Variants in COL6A2 observed in about 807,000 individuals in gnomAD.
COL6A2 encodes the protein collagen alpha-2(VI) chain.
In COL6A2, 90 loss-of-function variants were observed where a neutral mutation model predicts 124.9. The observed-to-expected ratio is 0.72, with a 90% CI of 0.61 to 0.86. COL6A2 has a LOEUF of 0.86. Ranked by LOEUF, COL6A2 falls within the 40% of genes least tolerant of loss-of-function variation. The probability of loss-of-function intolerance (pLI) is 0.00; values close to 1 mark genes in which losing one functional copy is unlikely to be tolerated. For missense variants in COL6A2, 1,607 were observed against 1,502.5 expected (o/e 1.07, Z -1.15); for synonymous variants, 793 against 618.2 (o/e 1.28, Z -4.19).
At chr21:46,125,003 CTGGCACGGTCAGA>C in intron 23 of COL6A2, 83 bp downstream of exon 23, 1 of 1,527,498 alleles carries the variant, frequency 6.5e-7, no homozygotes, top group Non-Finnish European at 9.1e-7. Context: ...GGAAGGTCAG[CTGGCACGGTCAGA>C]GAGCAAGATC....
At chr21:46,124,548 C>A (rs578237447) in intron 21 of COL6A2, 103 bp from the exon 22 acceptor site, 18 of 1,041,070 alleles carry the variant, frequency 1.7e-5, no homozygotes, top group East Asian at 2.4e-5. Context: ...CCCCCCCCCC[C>A]GCCAAGGGAG....
rs150157630 is a variant in COL6A2 at position 46,106,864 on chromosome 21, T to C, written c.-27-4586T>C. Among the ~76,000 whole-genome samples the C allele has an allele frequency of 9.5e-4, 144 of 152,376 alleles. 1 individual carries two copies. Among genetic ancestry groups the C allele is most frequent in the African/African-American group, 3.2e-3 (135 of 41,596 alleles). On this transcript the variant is annotated intron_variant, in intron 1 of 27. Transcript: ENST00000300527. ...TATTTTTTATTTTGCTCAACTCTTC[T>C]TGCTTTTTCTACCAAGTAAAACTTG...
chr21:46,117,031 TC>T (rs1423591390), intron 10 of COL6A2, among the ~76,000 whole-genome samples: 1 of 151,972 alleles, frequency 6.6e-6, no homozygotes, highest in African/African-American at 2.4e-5. Flanking sequence ...TGGCTGCACA[TC>T]CCGGCTTGGG....
At chr21:46,129,058 C>G in intron 27 of COL6A2, 1 of 1,600,198 alleles carries the variant, frequency 6.2e-7, no homozygotes, top group African/African-American at 1.3e-5. Context: ...CACACCCGCT[C>G]CACCTGCATT....
rs764590595 is a variant in COL6A2 at position 46,132,441 on chromosome 21, C to T, written c.2949C>T (p.Asp983=). 2.4e-5 allele frequency: 38 copies of T among 1,606,588 alleles called. No individual in the cohort carries two copies. Among genetic ancestry groups the T allele is most frequent in the African/African-American group, 4.0e-5 (3 of 74,838 alleles). The change falls in exon 28 of 28, where the codon GAC becomes GAT. Residue 983 remains aspartate (D), a synonymous_variant. Transcript: ENST00000300527. ...CCTTGGGCAGCGACGTGGACATGGA[C>T]GTGCTCACCACGCTCAGCCTGGGTG... ...VLALGSDVDM[D]VLTTLSLGDR...
At chr21:46,124,839 A>G (rs746722499) in intron 22 of COL6A2, 46 bp from the exon 23 acceptor site, 3 of 1,611,016 alleles carry the variant, frequency 1.9e-6, no homozygotes, top group African/African-American at 2.7e-5. Flanking sequence ...AGACTCAGCC[A>G]CCCAGCCTTG....
rs755111785 is a variant in COL6A2 at position 46,132,167 on chromosome 21, T to A, written c.2675T>A (p.Phe892Tyr). The A allele has an allele frequency of 6.4e-6, 10 of 1,570,170 alleles. No individual in the cohort carries two copies. In the South Asian group the frequency reaches 1.0e-4, roughly 16 times the overall value. The change falls in exon 28 of 28, where the codon TTC (phenylalanine) becomes TAC (tyrosine). Residue 892 changes from phenylalanine to tyrosine, a missense_variant. Phe to Tyr is a conservative substitution (Grantham distance 22, BLOSUM62 3). This residue lies in a region of COL6A2 where 1,223 missense variants were observed against 1,052.2 expected (regional missense o/e 1.16). Coordinates refer to ENST00000300527, the MANE Select transcript of COL6A2 (RefSeq NM_001849.4). The stretch of plus-strand genomic sequence containing the variant: ...GGCCCCGGCGAGCAGCAGGTGGCCT[T>A]CCCGCTGAGCCACAACCTCACGGCC... ...FGGPGEQQVA[F>Y]PLSHNLTAIH...
Position 46,112,067 on chromosome 21 carries a change from C to G in COL6A2, c.204C>G (p.Phe68Leu). Residue 68 changes from phenylalanine to leucine, a missense_variant, in exon 3 of 28, where the codon TTC (phenylalanine) becomes TTG (leucine). Phe to Leu is a conservative substitution (Grantham distance 22, BLOSUM62 0). Coordinates refer to ENST00000300527, the MANE Select transcript of COL6A2 (RefSeq NM_001849.4). ...TMQSPTDILL[F>L]HMKQFVPQFI... ...AGTCCCCCACGGACATCCTGCTCTT[C>G]CACATGAAGCAGTTCGTGCCGCAGT... 1.2e-6 allele frequency: 2 copies of G among 1,613,182 alleles called. No individual in the cohort carries two copies. The highest frequency in any genetic ancestry group is 1.7e-6 in the Non-Finnish European group (2 of 1,180,022).
In COL6A2 at chr21:46,131,935, C is replaced by T. The variant is rs763561210; in HGVS notation, c.2462-19C>T. Reference sequence around the variant, plus strand: ...GCCCACCTCCCCTCCGCCCAGCCCGCACCTGCGTCTCCCCACAGAGCTGTC... The same window carrying T: ...GCCCACCTCCCCTCCGCCCAGCCCGTACCTGCGTCTCCCCACAGAGCTGTC... On this transcript the variant is annotated intron_variant, in intron 27 of 27. Transcript: ENST00000300527. 3 of 1,577,946 alleles carry T rather than the reference C, an allele frequency of 1.9e-6. No homozygotes were observed. The highest frequency in any genetic ancestry group is 2.7e-5 in the African/African-American group (2 of 74,030).
chr21:46,116,199 G>T lies in COL6A2; in HGVS notation c.900+146G>T, dbSNP rs752854513. On this transcript the variant is annotated intron_variant, in intron 7 of 27. Coordinates refer to ENST00000300527, the MANE Select transcript of COL6A2 (RefSeq NM_001849.4). This position sits in a 1 kb window ranked among gnomAD's most constrained non-coding sequence, Gnocchi z 4.6. ...GAAGCACCTCGATAACTTGATGGCC[G>T]TCCCAAAACCCAGCCTCCAGCCCGA... 1.7e-6 allele frequency: 2 copies of T among 1,153,954 alleles called. No homozygotes were observed. Among genetic ancestry groups the T allele is most frequent in the East Asian group, 5.1e-5 (2 of 39,074 alleles). The allele number at this position is 1,153,954 out of a possible 1,614,324, so 71.5% of individuals were successfully genotyped here. A position where few individuals can be genotyped will look rare whatever the true frequency, so the allele number is the denominator to read the frequency against.
rs4458293 is a variant in COL6A2 at position 46,120,286 on chromosome 21, C to T, written c.1333-229C>T. ...CAGGAAGTGGACGAGGTCCTACCCA[C>T]GTGTGGGTGGCCTCAGGGGGACCGA... On this transcript the variant is annotated intron_variant, in intron 15 of 27. Transcript: ENST00000300527. 0.57 allele frequency among the ~76,000 whole-genome samples: 86,486 copies of T among 151,994 alleles called. 25,948 individuals carry two copies. The highest frequency in any genetic ancestry group is 0.72 in the East Asian group (3,701 of 5,160).
chr21:46,129,139 G>C (rs548843393), intron 27 of COL6A2: 6 of 1,610,436 alleles, frequency 3.7e-6, no homozygotes, highest in Non-Finnish European at 5.1e-6. Flanking sequence ...CCGAGGAGGA[G>C]CTCTAGGCCG....
At position 46,116,239 on chromosome 21, in the gene COL6A2, T is replaced by C; in HGVS notation, c.901-138T>C. 8.4e-7 allele frequency: 1 copy of C among 1,187,364 alleles called. No individual in the cohort carries two copies. The highest frequency in any genetic ancestry group is 1.5e-5 in the African/African-American group (1 of 65,726). 73.6% of individuals were successfully genotyped at this position (1,187,364 alleles called of 1,614,324 possible). The stretch of plus-strand genomic sequence containing the variant: ...CTCCAGCCCGACCCAGGGCTCAGCC[T>C]CCTCCGCAGACTGTTTGTCGAGAAC... On this transcript the variant is annotated intron_variant, in intron 7 of 27. Transcript: ENST00000300527. This position sits in a 1 kb window ranked among gnomAD's most constrained non-coding sequence, Gnocchi z 4.6.
chr21:46,128,252 C>A (rs2078703737), intron 27 of COL6A2, among the ~76,000 whole-genome samples: 1 of 152,212 alleles, frequency 6.6e-6, no homozygotes, highest in South Asian at 2.1e-4. Context: ...CAGGACCTGA[C>A]AGTGAGTGGG....
At chr21:46,129,710 C>G in intron 27 of COL6A2, 1 of 1,411,494 alleles carries the variant, frequency 7.1e-7, no homozygotes, top group Non-Finnish European at 9.2e-7. Context: ...TCTCCTCCGT[C>G]TTCCTGTGGC....
chr21:46,119,200 A>G lies in COL6A2; in HGVS notation c.1269+81A>G. ...TTGAGGAGGACCATGGGGGAAGGGC[A>G]CCTGGGCTGTAGGCAGGATCCCCTG... is the stretch of plus-strand genomic sequence containing the variant. On this transcript the variant is annotated intron_variant, in intron 14 of 27. Transcript: ENST00000300527. 4 of 1,103,996 alleles carry G rather than the reference A, an allele frequency of 3.6e-6. No individual in the cohort carries two copies. In the South Asian group the frequency reaches 5.3e-5, roughly 15 times the overall value. The allele number at this position is 1,103,996 out of a possible 1,614,324, so 68.4% of individuals were successfully genotyped here. A position where few individuals can be genotyped will look rare whatever the true frequency, so the allele number is the denominator to read the frequency against.
chr21:46,119,114 G>A lies in COL6A2; in HGVS notation c.1264G>A (p.Glu422Lys), dbSNP rs200167715. 8.7e-6 allele frequency: 14 copies of A among 1,610,150 alleles called. No individual in the cohort carries two copies. The highest frequency in any genetic ancestry group is 4.4e-5 in the South Asian group (4 of 90,838). Reference sequence around the variant, plus strand: ...GCCTGGGCCCCGCGGACCCAAAGGCGAGCCGGTGAGTCCCTCCTGCCCCTG... The same window carrying A: ...GCCTGGGCCCCGCGGACCCAAAGGCAAGCCGGTGAGTCCCTCCTGCCCCTG... ...GGPGPRGPKG[E>K]PGRRGDPGTK... Residue 422 changes from glutamate to lysine, a missense_variant, in exon 14 of 28, where the codon GAG becomes AAG. This residue lies in a region of COL6A2 where 1,223 missense variants were observed against 1,052.2 expected (regional missense o/e 1.16). Transcript: ENST00000300527.
At chr21:46,130,979 C>G (rs1394168128) in intron 27 of COL6A2, among the ~76,000 whole-genome samples, 7 of 152,222 alleles carry the variant, frequency 4.6e-5, no homozygotes, top group Non-Finnish European at 8.8e-5. Flanking sequence ...GCTTTGCTCA[C>G]TGCCTGCGGG....
chr21:46,103,933 C>G (rs1473307916), intron 1 of COL6A2, among the ~76,000 whole-genome samples: 1 of 152,128 alleles, frequency 6.6e-6, no homozygotes, highest in Non-Finnish European at 1.5e-5. Context: ...ACATTGAAGA[C>G]TAGCACATTC....
Sources: allele counts gnomAD v4.1 joint callset (sites outside exome capture counted in the v4.1 genomes callset), GRCh38; gene constraint gnomAD v4.1.1; regional missense constraint gnomAD v4.1.1; non-coding constraint Gnocchi (gnomAD v3.1); transcripts MANE v1.5; gene names NCBI Gene and HGNC (gene_info 2026-07-23, HGNC 2026-07-21).